Variants in GDF5 observed in about 807,000 individuals in gnomAD.
GDF5 encodes growth differentiation factor 5.
GDF5 carries 17 observed loss-of-function variants against 34.6 expected under a neutral mutation model. The ratio of observed to expected loss-of-function variants is 0.49; its 90% CI spans 0.34 to 0.74. The LOEUF (loss-of-function observed/expected upper bound fraction) is 0.74. GDF5 is among the 30% of genes least tolerant of loss of function. The pLI, the probability that GDF5 is intolerant of heterozygous loss-of-function variation, is 0.01. For synonymous variants in GDF5, 332 were observed against 290.7 expected (o/e 1.14, Z -1.44); for missense variants, 616 against 661.2 (o/e 0.93, Z 0.75).
chr20:35,439,410 G>A (rs1310849928), upstream of GDF5, among the ~76,000 whole-genome samples: 3 of 151,994 alleles, frequency 2.0e-5, no homozygotes, highest in Non-Finnish European at 4.4e-5. Context: ...TACGTTTGTA[G>A]TAGAGATGGG....
chr20:35,449,155 G>C (rs1373298100), intron 1 of GDF5, among the ~76,000 whole-genome samples: 1 of 151,998 alleles, frequency 6.6e-6, no homozygotes, highest in African/African-American at 2.4e-5. Context: ...TTTTTTTTGA[G>C]ATGGGGTCTT....
In GDF5 at chr20:35,449,426, A is replaced by G. The variant is rs114530184; in HGVS notation, c.-398+5214T>C. ...AGAATAGTTGGGACTACAGTAGTGC[A>G]CCACCACACCTGGCTAATTTTAGCG... is the stretch of plus-strand genomic sequence containing the variant. On this transcript the variant is annotated intron_variant, in intron 1 of 3. Transcript: ENST00000374372. Among the ~76,000 whole-genome samples, 1,176 of 152,180 alleles carry G rather than the reference A, an allele frequency of 7.7e-3. 9 individuals carry two copies. The highest frequency in any genetic ancestry group is 0.027 in the African/African-American group (1,132 of 41,506).
At chr20:35,444,894 A>G (rs950586453) in intron 1 of GDF5, among the ~76,000 whole-genome samples, 5 of 151,856 alleles carry the variant, frequency 3.3e-5, no homozygotes, top group Non-Finnish European at 7.4e-5. Context: ...CACCCCGTCT[A>G]ATTTTTGTAT....
rs908645539 is a variant in GDF5, at chr20:35,447,926, G to A, written c.-397-6539C>T. 3.3e-5 allele frequency among the ~76,000 whole-genome samples: 5 copies of A among 151,498 alleles called. No individual in the cohort carries two copies. In the East Asian group the frequency reaches 9.7e-4, roughly 29 times the overall value. Reference sequence around the variant, plus strand: ...GCCCAGGAGTTGGAGATCAGTCTGAGCAACATGGCACAAGCCCGTCTCTAT... The same window carrying A: ...GCCCAGGAGTTGGAGATCAGTCTGAACAACATGGCACAAGCCCGTCTCTAT... On this transcript the variant is annotated intron_variant, in intron 1 of 3. Transcript: ENST00000374372.
intron 1 of GDF5, among the ~76,000 whole-genome samples, chr20:35,451,986 A>G (rs2146592890): frequency 6.6e-6 from 1 of 152,318 alleles, no homozygotes; most frequent in South Asian, 2.1e-4. Context: ...ATAAGCGAGC[A>G]TTACCACCTG....
intron 1 of GDF5, among the ~76,000 whole-genome samples, chr20:35,452,585 G>A (rs1289141769): frequency 2.6e-5 from 4 of 152,140 alleles, no homozygotes; most frequent in Admixed American, 6.6e-5. Context: ...ACCACGCCTA[G>A]CTAATTTTAT....
Position 35,434,009 on chromosome 20 carries a change from G to A in GDF5, c.1406C>T (p.Thr469Met). ...ESTPPTCCVP[T>M]RLSPISILFI... ...GAGGATGCTGATGGGACTCAGCCGC[G>A]TGGGCACACAGCAGGTGGGTGGTGT... The change falls in exon 2 of 2, where the codon ACG (threonine) becomes ATG (methionine). Residue 469 changes from threonine to methionine, a missense_variant. Thr to Met is a moderately conservative substitution (Grantham distance 81, BLOSUM62 -1). Coordinates refer to ENST00000374369, the MANE Select transcript of GDF5 (RefSeq NM_000557.5). The A allele has an allele frequency of 1.2e-6, 2 of 1,614,004 alleles. No individual in the cohort carries two copies. The highest frequency in any genetic ancestry group is 8.5e-7 in the Non-Finnish European group (1 of 1,179,850).
chr20:35,451,092 T>TAC (rs1343124815), intron 1 of GDF5, among the ~76,000 whole-genome samples: 72 of 133,562 alleles, frequency 5.4e-4, no homozygotes, highest in South Asian at 1.8e-3. Flanking sequence ...TATATATATA[T>TAC]ACACAAATAT....
At chr20:35,454,667 C>G (rs2062561421) in exon 1 of GDF5, 1 of 152,234 alleles carries the variant, frequency 6.6e-6, no homozygotes, top group African/African-American at 2.4e-5. Context: ...CCTGAAGCTT[C>G]TCGGAGCGTC....
At chr20:35,451,582 C>CTT (rs750856510) in intron 1 of GDF5, among the ~76,000 whole-genome samples, 11 of 131,788 alleles carry the variant, frequency 8.3e-5, no homozygotes, top group African/African-American at 9.1e-5. Context: ...TTTTTTTTTC[C>CTT]TTTTTTTTTT....
At position 35,433,547 on chromosome 20, in the gene GDF5, G is replaced by A. The variant is rs1476226976; in HGVS notation, c.*362C>T. The A allele has an allele frequency of 1.1e-5, 4 of 363,008 alleles. No homozygotes were observed. In the Admixed American group the frequency reaches 1.1e-4, roughly 10 times the overall value. The allele number at this position is 363,008 out of a possible 1,614,324, so 22.5% of individuals were successfully genotyped here. On this transcript the variant is annotated 3_prime_UTR_variant, in exon 2 of 2. Transcript: ENST00000374369. ...AGGCAGTGGCACCTGTGGCTCTCCT[G>A]AGAGGTGCTTAGGAGAGTCCAGAGG... is the stretch of plus-strand genomic sequence containing the variant.
Position 35,436,827 on chromosome 20 carries a change from G to A in GDF5, c.631+471C>T, listed in dbSNP as rs371095315. ...GACTCCAAGATGCCCCATTTACTGTGTGCACCTCTCTTGCCTCCTCTATCC... is the reference window on the plus strand; with the variant it reads ...GACTCCAAGATGCCCCATTTACTGTATGCACCTCTCTTGCCTCCTCTATCC... On this transcript the variant is annotated intron_variant, in intron 1 of 1. Coordinates refer to ENST00000374369, the MANE Select transcript of GDF5 (RefSeq NM_000557.5). 5.3e-5 allele frequency among the ~76,000 whole-genome samples: 8 copies of A among 152,118 alleles called. No individual in the cohort carries two copies. The East Asian group carries it at 9.6e-4, about 18-fold the overall frequency.
At chr20:35,442,057 T>C (rs1251377946), upstream of GDF5, among the ~76,000 whole-genome samples, 2 of 152,096 alleles carry the variant, frequency 1.3e-5, no homozygotes, top group East Asian at 3.9e-4. Context: ...CCCAGGCTGG[T>C]CTCAAATTTC....
upstream of GDF5, among the ~76,000 whole-genome samples, chr20:35,442,011 T>C (rs2062499412): frequency 6.6e-6 from 1 of 152,098 alleles, no homozygotes; most frequent in African/African-American, 2.4e-5. Context: ...CAGCTAATTT[T>C]TGTATTCTTT....
chr20:35,435,450 TAAAAAAAAAAAAAAAAAAAAAAAA>T (rs398035630), intron 1 of GDF5: 5 of 26,976 alleles, frequency 1.9e-4, no homozygotes, highest in East Asian at 2.9e-3. Context: ...AGACCCTGGC[TAAAAAAAAAAAAAAAAAAAAAAAA>T]AAAAAAAAAA....
chr20:35,446,497 G>GTGAGATCT (rs1478891803), intron 1 of GDF5, among the ~76,000 whole-genome samples: 3 of 149,854 alleles, frequency 2.0e-5, no homozygotes, highest in Admixed American at 6.6e-5. Context: ...GAGTGCAGTG[G>GTGAGATCT]TGAGATCTCG....
upstream of GDF5, among the ~76,000 whole-genome samples, chr20:35,439,120 G>A (rs2062488745): frequency 6.6e-6 from 1 of 151,720 alleles, no homozygotes; most frequent in Non-Finnish European, 1.5e-5. Context: ...GGTCCAGGGT[G>A]TACCCCACCA....
At position 35,434,716 on chromosome 20, in the gene GDF5, C is replaced by T; in HGVS notation, c.699G>A (p.Gly233=). 2 of 1,611,850 alleles carry T rather than the reference C, an allele frequency of 1.2e-6. No individual in the cohort carries two copies. The highest frequency in any genetic ancestry group is 8.5e-7 in the Non-Finnish European group (1 of 1,179,850). The stretch of plus-strand genomic sequence containing the variant: ...AGATCCGCAGCTCGGCCCCCAGCAG[C>T]CCATCCTTCTCCAGGGCACTAATGT... ...VFDISALEKD[G]LLGAELRILR... is the part of the protein sequence containing the mutation. Residue 233 remains glycine, a synonymous_variant, in exon 2 of 2, where the codon GGG becomes GGA. Coordinates refer to ENST00000374369, the MANE Select transcript of GDF5 (RefSeq NM_000557.5).
intron 1 of GDF5, among the ~76,000 whole-genome samples, chr20:35,446,185 C>A (rs918189881): frequency 4.6e-5 from 7 of 150,576 alleles, no homozygotes; most frequent in Admixed American, 4.0e-4. Context: ...TGGCAGGCAC[C>A]TGTAATTCCA....
Sources: gnomAD v4.1 joint callset for allele counts (sites outside exome capture counted in the v4.1 genomes callset) on GRCh38, gnomAD v4.1.1 for gene constraint, MANE v1.5 for transcripts, NCBI Gene and HGNC (gene_info 2026-07-23, HGNC 2026-07-21) for gene names.